CHRM2: variants seen among roughly 807,000 people sequenced by gnomAD.
The protein encoded by CHRM2 is cholinergic receptor muscarinic 2.
CHRM2 carries 8 observed loss-of-function variants against 25.0 expected under a neutral mutation model. The ratio of observed to expected loss-of-function variants is 0.32; its 90% CI spans 0.19 to 0.58. CHRM2 has a LOEUF of 0.58. CHRM2 is among the 20% of genes least tolerant of loss of function. The pLI is 0.88. For missense variants in CHRM2, 440 were observed against 567.1 expected (o/e 0.78, Z 2.28); for synonymous variants, 202 against 205.7 (o/e 0.98, Z 0.15).
chr7:137,006,759 T>C (rs324641), intron 3 of CHRM2, among the ~76,000 whole-genome samples: 21,162 of 151,826 alleles, frequency 0.14, 1,775 homozygotes, highest in African/African-American at 0.21. Context: ...GCCTTTTTTT[T>C]CCCCCAAAAC....
intron 2 of CHRM2, among the ~76,000 whole-genome samples, chr7:136,957,282 C>T (rs1318161526): frequency 2.0e-5 from 3 of 151,384 alleles, no homozygotes; most frequent in African/African-American, 7.3e-5. Context: ...TGTGTGTGCA[C>T]ATGCACACAT....
At chr7:136,927,841 C>T (rs17497261) in intron 2 of CHRM2, among the ~76,000 whole-genome samples, 36,361 of 152,040 alleles carry the variant, frequency 0.24, 5,724 homozygotes, top group Non-Finnish European at 0.35. Flanking sequence ...CAGAAAATTT[C>T]ACCATGTCAT....
chr7:136,929,844 G>T (rs73158743), intron 2 of CHRM2, among the ~76,000 whole-genome samples: 21,397 of 151,928 alleles, frequency 0.14, 2,022 homozygotes, highest in East Asian at 0.38. Context: ...GAGAGGTAAT[G>T]CAACTCCAAG....
chr7:136,917,867 G>A (rs1179652674), intron 2 of CHRM2, among the ~76,000 whole-genome samples: 1 of 152,058 alleles, frequency 6.6e-6, no homozygotes, highest in East Asian at 1.9e-4. Flanking sequence ...GGTAAGTACA[G>A]TCAGATAGGA....
chr7:137,005,164 C>T, intron 3 of CHRM2, among the ~76,000 whole-genome samples: 1 of 151,954 alleles, frequency 6.6e-6, no homozygotes. Context: ...TGATGGTGTC[C>T]ATTAAGCTCA....
At chr7:136,997,085 T>C (rs1803654994) in intron 3 of CHRM2, among the ~76,000 whole-genome samples, 1 of 152,226 alleles carries the variant, frequency 6.6e-6, no homozygotes, top group Non-Finnish European at 1.5e-5. Context: ...ACAGTGTGCA[T>C]ATGTTAACTT....
At chr7:136,983,592 G>A (rs1012446376) in intron 2 of CHRM2, among the ~76,000 whole-genome samples, 10 of 152,286 alleles carry the variant, frequency 6.6e-5, no homozygotes, top group African/African-American at 2.4e-4. Context: ...GGTTTTTGCT[G>A]TTGGTGACCT....
intron 2 of CHRM2, among the ~76,000 whole-genome samples, chr7:136,916,464 A>C (rs1798118903): frequency 6.6e-6 from 1 of 151,674 alleles, no homozygotes; most frequent in African/African-American, 2.4e-5. Context: ...AATTCTGAGG[A>C]CCATATTACT....
At chr7:136,987,321 C>T (rs2131002142) in intron 2 of CHRM2, among the ~76,000 whole-genome samples, 1 of 152,312 alleles carries the variant, frequency 6.6e-6, no homozygotes, top group South Asian at 2.1e-4. Flanking sequence ...AGACATATCC[C>T]AGCTCTATGT....
In CHRM2 at chr7:137,015,688, G is replaced by A; in HGVS notation, c.823G>A (p.Val275Ile). 1 of 1,613,192 alleles carries A rather than the reference G, an allele frequency of 6.2e-7. No individual in the cohort carries two copies. Among genetic ancestry groups the A allele is most frequent in the Non-Finnish European group, 8.5e-7 (1 of 1,179,556 alleles). ...CAGGGATCCTGTGACTGAAAACTGTGTTCAGGGAGAGGAGAAGGAGAGCTC... is the reference window on the plus strand; with the variant it reads ...CAGGGATCCTGTGACTGAAAACTGTATTCAGGGAGAGGAGAAGGAGAGCTC... ...APRDPVTENC[V>I]QGEEKESSND... is the part of the protein sequence containing the mutation. Residue 275 changes from valine to isoleucine, a missense_variant, in exon 4 of 4, where the codon GTT becomes ATT. Transcript: ENST00000680005. This position sits in a 1 kb window ranked among gnomAD's most constrained non-coding sequence, Gnocchi z 5.1.
intron 2 of CHRM2, among the ~76,000 whole-genome samples, chr7:136,896,076 A>C (rs1201261758): frequency 1.3e-5 from 2 of 152,208 alleles, no homozygotes; most frequent in Non-Finnish European, 2.9e-5. Flanking sequence ...AAGGAAATGA[A>C]AGCATTTGAA....
chr7:136,868,746 G>GCA lies in CHRM2; in HGVS notation c.-502_-501dup, dbSNP rs35916399. On this transcript the variant is annotated 5_prime_UTR_variant, in exon 1 of 4. Coordinates refer to ENST00000680005, the MANE Select transcript of CHRM2 (RefSeq NM_001006630.2). The stretch of plus-strand genomic sequence containing the variant: ...GCAAAGACCTAGGGAGCGCGCGCGG[G>GCA]CACACACACACACACACACACACAC... 2,970 of 149,556 alleles carry GCA rather than the reference G, an allele frequency of 0.02. 44 individuals are homozygous for GCA. Among genetic ancestry groups the GCA allele is most frequent in the African/African-American group, 0.049 (1,984 of 40,792 alleles). 9.3% of individuals were successfully genotyped at this position (149,556 alleles called of 1,614,324 possible).
chr7:136,930,674 G>A (rs1215362626), intron 2 of CHRM2, among the ~76,000 whole-genome samples: 1 of 151,872 alleles, frequency 6.6e-6, no homozygotes, highest in South Asian at 2.1e-4. Flanking sequence ...AAGGAGGGTG[G>A]ATCACGAGGT....
intron 2 of CHRM2, among the ~76,000 whole-genome samples, chr7:136,897,287 G>C (rs890266091): frequency 2.0e-5 from 3 of 151,956 alleles, no homozygotes. Flanking sequence ...GGAGAATCAG[G>C]GTAAGCTATT....
intron 2 of CHRM2, among the ~76,000 whole-genome samples, chr7:136,933,034 A>G (rs56201820): frequency 0.25 from 36,273 of 146,316 alleles, 5,691 homozygotes; most frequent in Non-Finnish European, 0.36. Flanking sequence ...TGTTTCAAAA[A>G]TAAATAAATA....
chr7:136,935,625 C>T lies in CHRM2; in HGVS notation c.-124-56562C>T, dbSNP rs191169618. 1.7e-3 allele frequency among the ~76,000 whole-genome samples: 262 copies of T among 152,266 alleles called. 1 individual carries two copies. Among genetic ancestry groups the T allele is most frequent in the Admixed American group, 7.1e-3 (109 of 15,298 alleles). On this transcript the variant is annotated intron_variant, in intron 2 of 3. Transcript: ENST00000680005. Reference sequence around the variant, plus strand: ...TGTTTGATTAAGTGGCCCCACTCTGCAATTCTCTCTTATTTTTATTGAGTT... The same window carrying T: ...TGTTTGATTAAGTGGCCCCACTCTGTAATTCTCTCTTATTTTTATTGAGTT...
At position 137,018,195 on chromosome 7, in the gene CHRM2, C is replaced by T. The variant is rs1805273700; in HGVS notation, c.*1929C>T. The T allele has an allele frequency of 6.6e-6, 1 of 150,442 alleles. No homozygotes were observed. The highest frequency in any genetic ancestry group is 2.1e-4 in the South Asian group (1 of 4,774). 9.3% of individuals were successfully genotyped at this position (150,442 alleles called of 1,614,324 possible). A position where few individuals can be genotyped will look rare whatever the true frequency, so the allele number is the denominator to read the frequency against. ...TTGGAGAGTTAAGGAGGAAAAAAAG[C>T]ATGAGGGAAAAAAAAAACCAAAAAA... On this transcript the variant is annotated 3_prime_UTR_variant, in exon 4 of 4. Coordinates refer to ENST00000680005, the MANE Select transcript of CHRM2 (RefSeq NM_001006630.2).
chr7:136,910,060 G>C (rs1189298416), intron 2 of CHRM2, among the ~76,000 whole-genome samples: 1 of 151,800 alleles, frequency 6.6e-6, no homozygotes, highest in East Asian at 1.9e-4. Context: ...TTTTAGCCAA[G>C]GTGAGGGGTT....
chr7:136,917,099 A>T (rs1273893967), intron 2 of CHRM2, among the ~76,000 whole-genome samples: 1 of 151,982 alleles, frequency 6.6e-6, no homozygotes, highest in East Asian at 1.9e-4. Context: ...ATGAATTTAA[A>T]ATGAAAACAT....
Sources: allele counts gnomAD v4.1 joint callset (sites outside exome capture counted in the v4.1 genomes callset), GRCh38; gene constraint gnomAD v4.1.1; non-coding constraint Gnocchi (gnomAD v3.1); transcripts MANE v1.5; gene names NCBI Gene and HGNC (gene_info 2026-07-23, HGNC 2026-07-21).